Variants in ZNF148 observed in about 807,000 individuals in gnomAD.
The protein encoded by ZNF148 is Beta-Enolase Repressor Factor-1.
A neutral mutation model predicts 67.7 loss-of-function variants in ZNF148; 7 were observed. That is an observed-to-expected ratio of 0.10 (90% CI 0.06 to 0.19). ZNF148 has a LOEUF of 0.19. Among genes scored for constraint, ZNF148 ranks in the 10% least tolerant of loss-of-function variants. The probability of loss-of-function intolerance (pLI) is 1.00; values close to 1 mark genes in which losing one functional copy is unlikely to be tolerated. For missense variants in ZNF148, 583 were observed against 947.1 expected, an observed-to-expected ratio of 0.62 and a Z score of 5.05; for synonymous variants, 333 against 330.7, an observed-to-expected ratio of 1.01 and a Z score of -0.08.
intron 4 of ZNF148, chr3:125,292,881 T>C (rs1307875078): frequency 6.6e-6 from 1 of 152,188 alleles, no homozygotes; most frequent in African/African-American, 2.4e-5. Context: ...CAGAGGCTAA[T>C]TAAAATGTGA....
chr3:125,260,636 C>G (rs1937294099), intron 7 of ZNF148, among the ~76,000 whole-genome samples: 1 of 152,154 alleles, frequency 6.6e-6, no homozygotes, highest in Non-Finnish European at 1.5e-5. Context: ...TCAAAAAGTG[C>G]AAGGGACCCT....
intron 4 of ZNF148, among the ~76,000 whole-genome samples, chr3:125,290,271 G>A (rs1218633642): frequency 6.6e-6 from 1 of 152,090 alleles, no homozygotes; most frequent in Non-Finnish European, 1.5e-5. Context: ...ATAGTGTCAT[G>A]CTTCCTCTCC....
At chr3:125,257,258 T>G (rs549357819) in intron 7 of ZNF148, among the ~76,000 whole-genome samples, 1 of 152,154 alleles carries the variant, frequency 6.6e-6, no homozygotes, top group South Asian at 2.1e-4. Flanking sequence ...TTTCTTCTTT[T>G]AAAATAGGTT....
chr3:125,327,180 G>A (rs550427130), intron 2 of ZNF148, among the ~76,000 whole-genome samples: 44 of 152,152 alleles, frequency 2.9e-4, no homozygotes, highest in African/African-American at 9.9e-4. Flanking sequence ...ATAATAAACA[G>A]TCAAAACATC....
chr3:125,366,049 G>A (rs919189003), intron 1 of ZNF148, among the ~76,000 whole-genome samples: 2 of 152,144 alleles, frequency 1.3e-5, no homozygotes, highest in African/African-American at 2.4e-5. Flanking sequence ...ACCCAGTAAG[G>A]TATAGCTATT....
chr3:125,304,673 T>C (rs888304724), intron 4 of ZNF148, among the ~76,000 whole-genome samples: 5 of 152,140 alleles, frequency 3.3e-5, no homozygotes, highest in African/African-American at 7.2e-5. Context: ...TTGATAGATA[T>C]GGAAATTATA....
intron 1 of ZNF148, among the ~76,000 whole-genome samples, chr3:125,370,320 C>A (rs1225665194): frequency 6.6e-6 from 1 of 152,176 alleles, no homozygotes; most frequent in Middle Eastern, 3.2e-3. Context: ...CAAACACACA[C>A]ACACACAGTT....
intron 4 of ZNF148, among the ~76,000 whole-genome samples, chr3:125,306,518 GA>G (rs1376974435): frequency 6.6e-6 from 1 of 152,040 alleles, no homozygotes; most frequent in Non-Finnish European, 1.5e-5. Context: ...AAACAATTAA[GA>G]AAACACAATT....
chr3:125,256,582 A>C (rs1433387766), intron 7 of ZNF148, among the ~76,000 whole-genome samples: 1 of 152,194 alleles, frequency 6.6e-6, no homozygotes, highest in Non-Finnish European at 1.5e-5. Flanking sequence ...AGGCTCAGGC[A>C]GAAGAATCGC....
chr3:125,374,016 T>G (rs533310607), intron 1 of ZNF148, among the ~76,000 whole-genome samples: 2 of 152,346 alleles, frequency 1.3e-5, no homozygotes, highest in Admixed American at 6.5e-5. Flanking sequence ...GCCAGGATAG[T>G]ATTTACCCAA....
chr3:125,298,169 C>A (rs1242299054), intron 4 of ZNF148, among the ~76,000 whole-genome samples: 3 of 152,076 alleles, frequency 2.0e-5, no homozygotes, highest in African/African-American at 7.2e-5. Context: ...TCTTTAGGAA[C>A]TAGAGGAGTG....
chr3:125,266,073 A>G (rs767632439), intron 7 of ZNF148, among the ~76,000 whole-genome samples: 1 of 152,166 alleles, frequency 6.6e-6, no homozygotes, highest in Non-Finnish European at 1.5e-5. Context: ...TTCATAAAGC[A>G]AATACGTCTA....
At chr3:125,372,891 G>A (rs1409195322) in intron 1 of ZNF148, among the ~76,000 whole-genome samples, 4 of 152,012 alleles carry the variant, frequency 2.6e-5, no homozygotes, top group East Asian at 1.9e-4. Context: ...GCTTGAACCC[G>A]GGAGGTGGAG....
intron 1 of ZNF148, among the ~76,000 whole-genome samples, chr3:125,371,638 G>A (rs1477635291): frequency 3.7e-5 from 5 of 134,038 alleles, no homozygotes; most frequent in Non-Finnish European, 6.2e-5. Flanking sequence ...CAGCCTGAGC[G>A]ACAAAGCTAG....
At chr3:125,267,565 A>C (rs1937561120) in intron 7 of ZNF148, among the ~76,000 whole-genome samples, 1 of 144,128 alleles carries the variant, frequency 6.9e-6, no homozygotes, top group Non-Finnish European at 1.6e-5. Context: ...ACTAGGCATC[A>C]AAGGAACATA....
At chr3:125,361,923 G>A (rs1391583352) in intron 1 of ZNF148, among the ~76,000 whole-genome samples, 1 of 151,800 alleles carries the variant, frequency 6.6e-6, no homozygotes, top group African/African-American at 2.4e-5. Flanking sequence ...TGTTCTAGTT[G>A]TAGACCTGCT....
chr3:125,251,431 T>G (rs1038399861), intron 7 of ZNF148, among the ~76,000 whole-genome samples: 14 of 152,188 alleles, frequency 9.2e-5, no homozygotes, highest in Non-Finnish European at 5.9e-5. Flanking sequence ...TTGAGGAATT[T>G]TCTCAAAGTG....
At chr3:125,273,039 G>C (rs1579674980) in intron 7 of ZNF148, among the ~76,000 whole-genome samples, 1 of 152,076 alleles carries the variant, frequency 6.6e-6, no homozygotes, top group Non-Finnish European at 1.5e-5. Context: ...TCTTTCATAA[G>C]ACTTCTCTAT....
At chr3:125,354,269 C>T (rs1364638206) in intron 1 of ZNF148, among the ~76,000 whole-genome samples, 2 of 151,950 alleles carry the variant, frequency 1.3e-5, no homozygotes, top group African/African-American at 2.4e-5. Context: ...ACTGCTCCTG[C>T]GGCCACACAA....
Sources: gnomAD v4.1 joint callset for allele counts (sites outside exome capture counted in the v4.1 genomes callset) on GRCh38, gnomAD v4.1.1 for gene constraint, MANE v1.5 for transcripts, NCBI Gene and HGNC (gene_info 2026-07-23, HGNC 2026-07-21) for gene names.